Variants in ATL3 observed in about 807,000 individuals in gnomAD.
ATL3 encodes atlastin-3.
A neutral mutation model predicts 69.5 loss-of-function variants in ATL3; 49 were observed. The observed-to-expected ratio is 0.71, with a 90% CI of 0.56 to 0.89. The LOEUF is 0.89. Ranked by LOEUF, ATL3 falls within the 40% of genes least tolerant of loss-of-function variation. The pLI is 0.00. For synonymous variants in ATL3, 214 were observed against 224.1 expected, an observed-to-expected ratio of 0.95 and a Z score of 0.40; for missense variants, 606 against 645.7, an observed-to-expected ratio of 0.94 and a Z score of 0.67.
Position 63,636,232 on chromosome 11 carries a change from C to G in ATL3, c.953G>C (p.Cys318Ser). ...CTTAAAATACTCCAGTAGTCCCCGA[C>G]AGGTGACCTTTGAGCCATTGATCTC... is the stretch of plus-strand genomic sequence containing the variant. ...EKEINGSKVT[C>S]RGLLEYFKAY... The change falls in exon 9 of 13, where the codon TGT becomes TCT. Residue 318 changes from cysteine to serine, a missense_variant. Cys to Ser is a moderately radical substitution (Grantham distance 112). Transcript: ENST00000398868. The G allele has an allele frequency of 6.2e-7, 1 of 1,614,154 alleles. No individual in the cohort carries two copies. The highest frequency in any genetic ancestry group is 8.5e-7 in the Non-Finnish European group (1 of 1,180,018).
chr11:63,628,851 A>C lies in ATL3; in HGVS notation c.*468T>G, dbSNP rs1939209045. 1 of 145,448 alleles carries C rather than the reference A, an allele frequency of 6.9e-6. No individual in the cohort carries two copies. The highest frequency in any genetic ancestry group is 2.6e-5 in the African/African-American group (1 of 39,074). The allele number at this position is 145,448 out of a possible 1,614,324, so 9.0% of individuals were successfully genotyped here. A position where few individuals can be genotyped will look rare whatever the true frequency, so the allele number is the denominator to read the frequency against. ...CTCCAACTCAAAAAAAAAAAAAAAAAAAAAAAGAATCCTTCTCAAAAGAGT... is the reference window on the plus strand; with the variant it reads ...CTCCAACTCAAAAAAAAAAAAAAAACAAAAAAGAATCCTTCTCAAAAGAGT... On this transcript the variant is annotated 3_prime_UTR_variant, in exon 13 of 13. Transcript: ENST00000398868.
At position 63,627,788 on chromosome 11, in the gene ATL3, A is replaced by G. The variant is rs2298762; in HGVS notation, c.*1531T>C. On this transcript the variant is annotated 3_prime_UTR_variant, in exon 13 of 13. Coordinates refer to ENST00000398868, the MANE Select transcript of ATL3 (RefSeq NM_015459.5). ...AAAAAAAGAACTCTTAGATACTTCT[A>G]GATATTTTTTATATTTGGGTAGGAC... 11 of 152,364 alleles carry G rather than the reference A, an allele frequency of 7.2e-5. No homozygotes were observed. In the East Asian group the frequency reaches 9.6e-4, roughly 13 times the overall value. 9.4% of individuals were successfully genotyped at this position (152,364 alleles called of 1,614,324 possible). A position where few individuals can be genotyped will look rare whatever the true frequency, so the allele number is the denominator to read the frequency against.
At chr11:63,652,701 C>G (rs1940118003) in intron 3 of ATL3, 126 bp from the exon 4 acceptor site, 3 of 572,216 alleles carry the variant, frequency 5.2e-6, no homozygotes, top group African/African-American at 3.7e-5. Context: ...CCTTAAGCAC[C>G]TGCTTGTAGG....
intron 6 of ATL3, 42 bp from the exon 7 acceptor site, chr11:63,644,303 C>T (rs374249048): frequency 1.4e-5 from 18 of 1,264,656 alleles, no homozygotes; most frequent in Admixed American, 1.8e-5. Flanking sequence ...CATGCATAAA[C>T]ACATTTTCAA....
chr11:63,631,331 C>T lies in ATL3; in HGVS notation c.1248G>A (p.Glu416=). The part of the protein sequence containing the change: ...GKDFSFRYQQ[E]LEEEIKELYE... Reference sequence around the variant, plus strand: ...ATAATTCCTTGATTTCCTCCTCCAGCTCCTGCTGGTAACGAAAGCTGAAAT... The same window carrying T: ...ATAATTCCTTGATTTCCTCCTCCAGTTCCTGCTGGTAACGAAAGCTGAAAT... The change falls in exon 12 of 13, where the codon GAG becomes GAA. Residue 416 remains glutamate, a synonymous_variant. Transcript: ENST00000398868. The T allele has an allele frequency of 6.2e-7, 1 of 1,614,242 alleles. No individual in the cohort carries two copies. Among genetic ancestry groups the T allele is most frequent in the South Asian group, 1.1e-5 (1 of 91,084 alleles).
chr11:63,634,761 T>TG (rs1229973459), intron 10 of ATL3, among the ~76,000 whole-genome samples: 4 of 152,146 alleles, frequency 2.6e-5, no homozygotes, highest in Non-Finnish European at 5.9e-5. Flanking sequence ...GGCTTACACC[T>TG]GTAATCTTAG....
chr11:63,645,081 CA>C (rs973869972), intron 6 of ATL3, among the ~76,000 whole-genome samples: 1 of 148,218 alleles, frequency 6.7e-6, no homozygotes, highest in African/African-American at 2.5e-5. Context: ...ACTCTGTCTC[CA>C]AAAAAGAAAA....
chr11:63,658,716 TTTG>T (rs762091846), intron 3 of ATL3, 42 bp downstream of exon 3: 65 of 1,551,280 alleles, frequency 4.2e-5, no homozygotes, highest in African/African-American at 2.3e-4. Context: ...AAGTTCATAT[TTTG>T]TTGTTGTTGT....
In ATL3 at chr11:63,636,221, G is replaced by C. The variant is rs772901483; in HGVS notation, c.964C>G (p.Leu322Val). 6.2e-7 allele frequency: 1 copy of C among 1,613,726 alleles called. No individual in the cohort carries two copies. The highest frequency in any genetic ancestry group is 1.7e-5 in the Admixed American group (1 of 59,954). Residue 322 changes from leucine (L) to valine (V), a missense_variant, in exon 9 of 13, where the codon CTG becomes GTG. Coordinates refer to ENST00000398868, the MANE Select transcript of ATL3 (RefSeq NM_015459.5). ...NGSKVTCRGL[L>V]EYFKAYIKIY... ...CCCATATTTACCTTAAAATACTCCA[G>C]TAGTCCCCGACAGGTGACCTTTGAG...
chr11:63,638,154 A>C (rs971927498), intron 8 of ATL3, among the ~76,000 whole-genome samples: 7 of 152,194 alleles, frequency 4.6e-5, no homozygotes, highest in Admixed American at 4.6e-4. Context: ...TATGCTACTC[A>C]TGTTTCTATG....
chr11:63,659,840 G>A (rs1940368190), intron 1 of ATL3, among the ~76,000 whole-genome samples: 1 of 151,958 alleles, frequency 6.6e-6, no homozygotes, highest in African/African-American at 2.4e-5. Flanking sequence ...GGGAGGCTGA[G>A]GCACGAGAAT....
rs367940860 is a variant in ATL3 at position 63,652,580 on chromosome 11, A to G, written c.406-5T>C. On this transcript the variant is annotated splice_polypyrimidine_tract_variant and splice_region_variant and intron_variant, in intron 3 of 12. Coordinates refer to ENST00000398868, the MANE Select transcript of ATL3 (RefSeq NM_015459.5). ...ATCCATCAGAACAACTGCAACCTAA[A>G]AAAAAGGAAAATACAAACAAAAGAG... 5.0e-6 allele frequency: 8 copies of G among 1,592,644 alleles called. No homozygotes were observed. The highest frequency in any genetic ancestry group is 2.7e-5 in the African/African-American group (2 of 73,984).
At chr11:63,656,987 G>A (rs1451580878) in intron 3 of ATL3, among the ~76,000 whole-genome samples, 9 of 151,602 alleles carry the variant, frequency 5.9e-5, no homozygotes, top group Admixed American at 2.6e-4. Context: ...TGAGACAGGC[G>A]GATCACGAGG....
At chr11:63,646,695 G>C (rs755399815) in intron 5 of ATL3, 132 bp from the exon 6 acceptor site, 2 of 511,736 alleles carry the variant, frequency 3.9e-6, no homozygotes, top group Non-Finnish European at 7.0e-6. Context: ...CAGGAGTCAT[G>C]AACCTTAAAA....
At chr11:63,645,263 C>T (rs767909142) in intron 6 of ATL3, among the ~76,000 whole-genome samples, 10 of 151,096 alleles carry the variant, frequency 6.6e-5, no homozygotes, top group Non-Finnish European at 1.5e-4. Flanking sequence ...AAAAATTAGC[C>T]GGGCGCCTGA....
Position 63,629,190 on chromosome 11 carries a change from G to T in ATL3, c.*129C>A. 2 of 681,332 alleles carry T rather than the reference G, an allele frequency of 2.9e-6. No homozygotes were observed. Among genetic ancestry groups the T allele is most frequent in the East Asian group, 2.7e-5 (1 of 37,304 alleles). 42.2% of individuals were successfully genotyped at this position (681,332 alleles called of 1,614,324 possible). ...GAGAGGTCTGCTCATTTATTACAGG[G>T]CCATGTTTTAGCTCTTCCTGGATCG... On this transcript the variant is annotated 3_prime_UTR_variant, in exon 13 of 13. Coordinates refer to ENST00000398868, the MANE Select transcript of ATL3 (RefSeq NM_015459.5).
At chr11:63,647,663 T>C (rs965144301) in intron 5 of ATL3, among the ~76,000 whole-genome samples, 2 of 152,222 alleles carry the variant, frequency 1.3e-5, no homozygotes, top group African/African-American at 2.4e-5. Context: ...GCCCATAATA[T>C]TTATGTCATT....
intron 5 of ATL3, among the ~76,000 whole-genome samples, chr11:63,651,378 C>T (rs771787798): frequency 3.9e-5 from 6 of 151,918 alleles, no homozygotes; most frequent in Admixed American, 1.3e-4. Context: ...TGCACTCCAG[C>T]CTGGGGACAA....
rs747527880 is a variant in ATL3 at position 63,658,788 on chromosome 11, G to C, written c.378C>G (p.Phe126Leu). The change falls in exon 3 of 13, where the codon TTC becomes TTG. Residue 126 changes from phenylalanine to leucine, a missense_variant. Transcript: ENST00000398868. ...TCTTCCCACCTGGCTTCTCCACAGT[G>C]AAAACTTCACTCCAGATTTGAATCC... ...TTGIQIWSEV[F>L]TVEKPGGKKV... 6.2e-7 allele frequency: 1 copy of C among 1,608,820 alleles called. No homozygotes were observed. Among genetic ancestry groups the C allele is most frequent in the Non-Finnish European group, 8.5e-7 (1 of 1,178,514 alleles).
Sources: allele counts gnomAD v4.1 joint callset (sites outside exome capture counted in the v4.1 genomes callset), GRCh38; gene constraint gnomAD v4.1.1; transcripts MANE v1.5; gene names NCBI Gene and HGNC (gene_info 2026-07-23, HGNC 2026-07-21).